Variants in AGBL4 observed in about 807,000 individuals in gnomAD.
AGBL4 encodes the protein cytosolic carboxypeptidase 6.
A neutral mutation model predicts 66.4 loss-of-function variants in AGBL4; 58 were observed. The observed-to-expected ratio is 0.87, with a 90% confidence interval of 0.71 to 1.09. The LOEUF is 1.09. AGBL4 is among the 50% of genes least tolerant of loss of function. AGBL4 has a pLI of 0.00. For missense variants in AGBL4, 579 were observed against 631.0 expected, an observed-to-expected ratio of 0.92 and a Z score of 0.88; for synonymous variants, 234 against 222.9, an observed-to-expected ratio of 1.05 and a Z score of -0.44.
intron 4 of AGBL4, among the ~76,000 whole-genome samples, chr1:49,095,455 C>A (rs1056377634): frequency 1.3e-5 from 2 of 152,256 alleles, no homozygotes; most frequent in Non-Finnish European, 2.9e-5. Context: ...CTACAGTAAC[C>A]AAAACAGCAT....
chr1:48,725,971 T>C (rs961221645), intron 6 of AGBL4, among the ~76,000 whole-genome samples: 1 of 152,162 alleles, frequency 6.6e-6, no homozygotes, highest in Non-Finnish European at 1.5e-5. Flanking sequence ...TATAGAGCCC[T>C]TTTTTCAGAT....
chr1:49,041,161 C>A (rs563480729), intron 5 of AGBL4, among the ~76,000 whole-genome samples: 1 of 152,164 alleles, frequency 6.6e-6, no homozygotes, highest in South Asian at 2.1e-4. Flanking sequence ...CAAAATCTTC[C>A]TTCCTGCCTG....
At chr1:49,434,621 TG>T (rs1645858890) in intron 3 of AGBL4, among the ~76,000 whole-genome samples, 1 of 151,866 alleles carries the variant, frequency 6.6e-6, no homozygotes, top group African/African-American at 2.4e-5. Flanking sequence ...TGAAAGGATT[TG>T]GGGTTGCTAT....
At chr1:49,126,625 T>C (rs1645769677) in intron 4 of AGBL4, among the ~76,000 whole-genome samples, 1 of 152,178 alleles carries the variant, frequency 6.6e-6, no homozygotes, top group African/African-American at 2.4e-5. Context: ...AGATAGTAAG[T>C]GATATAATCA....
At chr1:49,792,386 C>G (rs1644622999) in intron 2 of AGBL4, among the ~76,000 whole-genome samples, 1 of 151,992 alleles carries the variant, frequency 6.6e-6, no homozygotes, top group South Asian at 2.1e-4. Flanking sequence ...GATGTACTCA[C>G]TTAAACCAGG....
At chr1:49,099,299 T>C (rs933340125) in intron 4 of AGBL4, among the ~76,000 whole-genome samples, 4 of 152,068 alleles carry the variant, frequency 2.6e-5, no homozygotes, top group African/African-American at 4.8e-5. Flanking sequence ...TACCAAAAGT[T>C]CAGGTCTGAA....
intron 5 of AGBL4, among the ~76,000 whole-genome samples, chr1:48,987,901 C>A (rs1442305927): frequency 1.3e-5 from 2 of 152,032 alleles, no homozygotes; most frequent in African/African-American, 4.8e-5. Context: ...ATGAAGACAC[C>A]AGCCTATTTT....
intron 3 of AGBL4, among the ~76,000 whole-genome samples, chr1:49,247,626 G>A (rs1651749976): frequency 6.6e-6 from 1 of 151,940 alleles, no homozygotes; most frequent in African/African-American, 2.4e-5. Context: ...CATTTCCAGT[G>A]AACCTGGAAG....
At chr1:49,037,205 G>T (rs1407651195) in intron 5 of AGBL4, among the ~76,000 whole-genome samples, 1 of 152,044 alleles carries the variant, frequency 6.6e-6, no homozygotes, top group African/African-American at 2.4e-5. Flanking sequence ...GAAGTGTTAA[G>T]ATCAGAGAGG....
intron 3 of AGBL4, among the ~76,000 whole-genome samples, chr1:49,346,010 C>A (rs923742909): frequency 2.0e-5 from 3 of 152,084 alleles, no homozygotes; most frequent in Non-Finnish European, 4.4e-5. Context: ...ATCTAAGATT[C>A]TTGATGGAAC....
At chr1:49,372,955 C>T (rs865865185) in intron 3 of AGBL4, among the ~76,000 whole-genome samples, 2 of 152,070 alleles carry the variant, frequency 1.3e-5, no homozygotes, top group African/African-American at 4.8e-5. Flanking sequence ...GATGGGATCT[C>T]ACTATGTTGC....
intron 2 of AGBL4, among the ~76,000 whole-genome samples, chr1:49,732,209 A>T (rs1649509439): frequency 6.6e-6 from 1 of 152,190 alleles, no homozygotes; most frequent in African/African-American, 2.4e-5. Context: ...CTTGGCTAAG[A>T]CTGTGTACAT....
intron 5 of AGBL4, among the ~76,000 whole-genome samples, chr1:48,938,493 C>A (rs1655669494): frequency 6.6e-6 from 1 of 152,104 alleles, no homozygotes; most frequent in South Asian, 2.1e-4. Flanking sequence ...GGGATGGCTT[C>A]TCTGAGGAGG....
At chr1:49,663,658 G>A (rs1646310619) in intron 3 of AGBL4, among the ~76,000 whole-genome samples, 1 of 151,906 alleles carries the variant, frequency 6.6e-6, no homozygotes. Context: ...TGTGGCCTCT[G>A]CAATACATAA....
chr1:49,258,535 C>T (rs1279997101), intron 3 of AGBL4, among the ~76,000 whole-genome samples: 1 of 151,952 alleles, frequency 6.6e-6, no homozygotes. Context: ...CCGATGCGAT[C>T]AACTGGAAGA....
chr1:49,215,466 A>G (rs905196340), intron 4 of AGBL4, among the ~76,000 whole-genome samples: 2 of 152,048 alleles, frequency 1.3e-5, no homozygotes, highest in Non-Finnish European at 1.5e-5. Flanking sequence ...CCTATGTCTA[A>G]ATATGCTGGA....
At position 49,856,845 on chromosome 1, in the gene AGBL4, C is replaced by T. The variant is rs1402412042; in HGVS notation, c.35-5327G>A. Among the ~76,000 whole-genome samples, 5 of 152,162 alleles carry T rather than the reference C, an allele frequency of 3.3e-5. No individual in the cohort carries two copies. The East Asian group carries it at 9.7e-4, about 29-fold the overall frequency. On this transcript the variant is annotated intron_variant, in intron 1 of 13. Transcript: ENST00000371839. Reference sequence around the variant, plus strand: ...GACAAGGATGCCCACTTTCACTTCTCTTACTCAACATGGTACTGGATGTTC... The same window carrying T: ...GACAAGGATGCCCACTTTCACTTCTTTTACTCAACATGGTACTGGATGTTC...
At chr1:49,451,609 C>T (rs1290016660) in intron 3 of AGBL4, among the ~76,000 whole-genome samples, 8 of 151,832 alleles carry the variant, frequency 5.3e-5, no homozygotes, top group African/African-American at 9.7e-5. Context: ...CCTTTTTGAC[C>T]ACCCCACCTG....
intron 2 of AGBL4, among the ~76,000 whole-genome samples, chr1:49,738,527 T>C (rs1001448062): frequency 1.3e-5 from 2 of 152,188 alleles, no homozygotes; most frequent in African/African-American, 4.8e-5. Context: ...CAGACTTAAA[T>C]GTCCCTGTCT....
Sources: allele counts gnomAD v4.1 joint callset (sites outside exome capture counted in the v4.1 genomes callset), GRCh38; gene constraint gnomAD v4.1.1; transcripts MANE v1.5; gene names NCBI Gene and HGNC (gene_info 2026-07-23, HGNC 2026-07-21).